The following RASGRF2 variants were observed in gnomAD, a reference collection of about 807,000 sequenced individuals.
RASGRF2 encodes the protein ras-specific guanine nucleotide-releasing factor 2.
RASGRF2 carries 76 observed loss-of-function variants against 151.0 expected under a neutral mutation model. That is an observed-to-expected ratio of 0.50 (90% CI 0.42 to 0.61). The LOEUF (loss-of-function observed/expected upper bound fraction) is 0.61, where lower values mean the gene tolerates loss of function less well. RASGRF2 is among the 20% of genes least tolerant of loss of function. The probability of loss-of-function intolerance (pLI) is 0.00; values close to 1 mark genes in which losing one functional copy is unlikely to be tolerated. For missense variants in RASGRF2, 1,148 were observed against 1,564.6 expected, an observed-to-expected ratio of 0.73 and a Z score of 4.49; for synonymous variants, 504 against 566.5, an observed-to-expected ratio of 0.89 and a Z score of 1.57.
At chr5:81,069,754 T>A (rs556731443) in intron 3 of RASGRF2, among the ~76,000 whole-genome samples, 1 of 152,318 alleles carries the variant, frequency 6.6e-6, no homozygotes, top group South Asian at 2.1e-4. Flanking sequence ...GCAATTATGA[T>A]CCCTTAACTT....
intron 23 of RASGRF2, among the ~76,000 whole-genome samples, chr5:81,214,213 T>C (rs542931741): frequency 1.4e-4 from 22 of 152,250 alleles, no homozygotes; most frequent in Admixed American, 1.3e-3. Context: ...ATTGAAATGA[T>C]TGTTTCAAAA....
At chr5:81,003,603 C>A (rs1749168594) in intron 1 of RASGRF2, among the ~76,000 whole-genome samples, 1 of 152,140 alleles carries the variant, frequency 6.6e-6, no homozygotes, top group South Asian at 2.1e-4. Flanking sequence ...CTCAAGTGAT[C>A]CTCCTGCCTT....
chr5:80,986,191 C>T (rs928094407), intron 1 of RASGRF2, among the ~76,000 whole-genome samples: 2 of 152,148 alleles, frequency 1.3e-5, no homozygotes, highest in African/African-American at 4.8e-5. Context: ...TTAGGTATAG[C>T]TTCAGCTAAG....
At chr5:81,143,635 T>C (rs926687274) in intron 17 of RASGRF2, among the ~76,000 whole-genome samples, 2 of 151,946 alleles carry the variant, frequency 1.3e-5, no homozygotes, top group African/African-American at 4.8e-5. Context: ...TGCACGCCTA[T>C]AATCCCAGCA....
At chr5:81,198,492 T>C (rs1204918155) in intron 18 of RASGRF2, among the ~76,000 whole-genome samples, 1 of 151,830 alleles carries the variant, frequency 6.6e-6, no homozygotes, top group South Asian at 2.1e-4. Context: ...CAGGCTGGAG[T>C]GCAGTGGCGC....
At chr5:81,115,699 T>C (rs1037847123) in intron 15 of RASGRF2, among the ~76,000 whole-genome samples, 19 of 152,238 alleles carry the variant, frequency 1.2e-4, no homozygotes, top group Non-Finnish European at 2.2e-4. Context: ...GTGGTTTGAT[T>C]GCTCATGGGG....
At chr5:80,979,540 G>A (rs1006227676) in intron 1 of RASGRF2, among the ~76,000 whole-genome samples, 2 of 152,110 alleles carry the variant, frequency 1.3e-5, no homozygotes, top group African/African-American at 4.8e-5. Context: ...CAATTATTGT[G>A]TACGTATGAT....
chr5:80,961,705 T>C (rs1239286366), intron 1 of RASGRF2, among the ~76,000 whole-genome samples: 1 of 152,218 alleles, frequency 6.6e-6, no homozygotes, highest in African/African-American at 2.4e-5. Flanking sequence ...AACGCTTCTG[T>C]ACTTTTAAAT....
intron 5 of RASGRF2, among the ~76,000 whole-genome samples, chr5:81,075,091 T>C (rs911117657): frequency 6.6e-6 from 1 of 152,200 alleles, no homozygotes; most frequent in African/African-American, 2.4e-5. Context: ...TAGGTGGCTA[T>C]TCAATAAACA....
chr5:80,978,376 G>A (rs1748194255), intron 1 of RASGRF2, among the ~76,000 whole-genome samples: 1 of 152,020 alleles, frequency 6.6e-6, no homozygotes, highest in Non-Finnish European at 1.5e-5. Context: ...AACTATATGA[G>A]AAAACTAAAA....
chr5:81,162,120 C>G (rs1754398643), intron 17 of RASGRF2, among the ~76,000 whole-genome samples: 1 of 145,522 alleles, frequency 6.9e-6, no homozygotes, highest in South Asian at 2.1e-4. Context: ...GGAAGGTACT[C>G]AGAGTTGAGA....
chr5:81,140,336 A>G (rs570815981), intron 17 of RASGRF2, among the ~76,000 whole-genome samples: 1 of 152,186 alleles, frequency 6.6e-6, no homozygotes, highest in African/African-American at 2.4e-5. Context: ...TTTTTTTCCA[A>G]AATATATTAA....
chr5:81,094,281 T>C lies in RASGRF2; in HGVS notation c.1552-15T>C, dbSNP rs765912664. 87 of 1,610,128 alleles carry C rather than the reference T, an allele frequency of 5.4e-5. No individual in the cohort carries two copies. The highest frequency in any genetic ancestry group is 6.7e-5 in the Non-Finnish European group (79 of 1,177,472). On this transcript the variant is annotated splice_polypyrimidine_tract_variant and intron_variant, in intron 10 of 26. Transcript: ENST00000265080. The stretch of plus-strand genomic sequence containing the variant: ...AGACCTTCAGCGTCTTAGTGAAAAA[T>C]TGGTTTGTTTCCAGACAGGTGGGGT...
chr5:81,033,697 A>G lies in RASGRF2; in HGVS notation c.289-9180A>G, dbSNP rs963769617. On this transcript the variant is annotated intron_variant, in intron 1 of 26. Coordinates refer to ENST00000265080, the MANE Select transcript of RASGRF2 (RefSeq NM_006909.3). Reference sequence around the variant, plus strand: ...TTAGACCTAAAACCATAAAAACCCTAGAAGAAAACCTAGGCAGTACCATTC... The same window carrying G: ...TTAGACCTAAAACCATAAAAACCCTGGAAGAAAACCTAGGCAGTACCATTC... Among the ~76,000 whole-genome samples the G allele has an allele frequency of 2.0e-5, 3 of 152,204 alleles. No individual in the cohort carries two copies. The East Asian group carries it at 5.8e-4, about 29-fold the overall frequency.
At chr5:81,096,926 A>C (rs1359028752) in intron 12 of RASGRF2, among the ~76,000 whole-genome samples, 1 of 151,508 alleles carries the variant, frequency 6.6e-6, no homozygotes, top group African/African-American at 2.4e-5. Context: ...GGCTAACCAA[A>C]AGTTGTATCT....
intron 18 of RASGRF2, among the ~76,000 whole-genome samples, chr5:81,189,378 C>T (rs2124886): frequency 6.6e-6 from 1 of 152,178 alleles, no homozygotes; most frequent in Non-Finnish European, 1.5e-5. Flanking sequence ...AAAATTTGGT[C>T]TCAATGTGAA....
In RASGRF2 at chr5:81,094,333, T is replaced by G; in HGVS notation, c.1589T>G (p.Ile530Ser). 6.2e-7 allele frequency: 1 copy of G among 1,613,474 alleles called. No individual in the cohort carries two copies. Among genetic ancestry groups the G allele is most frequent in the African/African-American group, 1.3e-5 (1 of 75,024 alleles). Reference protein sequence around the residue: ...GVLSLIDCTLIEEPDASDDDS... With the variant: ...GVLSLIDCTLSEEPDASDDDS... ...CTGTCTCTAATAGACTGCACATTGA[T>G]TGAGGAGCCAGATGCAAGCGATGAT... is the stretch of plus-strand genomic sequence containing the variant. Residue 530 changes from isoleucine (I) to serine (S), a missense_variant, in exon 11 of 27, where the codon ATT (isoleucine) becomes AGT (serine). Physicochemically the swap from Ile to Ser is moderately radical, Grantham distance 142. Coordinates refer to ENST00000265080, the MANE Select transcript of RASGRF2 (RefSeq NM_006909.3).
chr5:81,208,534 CTTTTTTTTTTTTTTTTTT>C (rs71000806), intron 22 of RASGRF2, 96 bp downstream of exon 22: 12,057 of 250,384 alleles, frequency 0.048, 103 homozygotes, highest in Non-Finnish European at 0.055. Context: ...CTGTCACCCA[CTTTTTTTTTTTTTTTTTT>C]TTTTTTTTTT....
At chr5:81,088,652 A>T (rs1047066890) in intron 9 of RASGRF2, 2 of 152,194 alleles carry the variant, frequency 1.3e-5, no homozygotes, top group African/African-American at 4.8e-5. Context: ...GCTTGATAGT[A>T]TGTGAGAATG....
Sources: gnomAD v4.1 joint callset for allele counts (sites outside exome capture counted in the v4.1 genomes callset) on GRCh38, gnomAD v4.1.1 for gene constraint, MANE v1.5 for transcripts, NCBI Gene and HGNC (gene_info 2026-07-23, HGNC 2026-07-21) for gene names.